The following RERE variants were observed in gnomAD, a reference collection of about 807,000 sequenced individuals.
RERE encodes the protein arginine-glutamic acid dipeptide repeats.
RERE carries 40 observed loss-of-function variants against 146.1 expected under a neutral mutation model. The observed-to-expected ratio is 0.27, with a 90% CI of 0.21 to 0.36. RERE has a LOEUF of 0.36. Among genes scored for constraint, RERE ranks in the 10% least tolerant of loss-of-function variants. The pLI, the probability that RERE is intolerant of heterozygous loss-of-function variation, is 1.00. For synonymous variants in RERE, 1,003 were observed against 866.0 expected (o/e 1.16, Z -2.78); for missense variants, 1,933 against 2,138.7 (o/e 0.90, Z 1.90).
intron 4 of RERE, among the ~76,000 whole-genome samples, chr1:8,569,577 C>T (rs1035497562): frequency 2.6e-5 from 4 of 152,204 alleles, no homozygotes; most frequent in East Asian, 1.9e-4. Context: ...AATTAAAAAC[C>T]GATGATGAGC....
At chr1:8,476,116 A>T (rs1260457763) in intron 10 of RERE, among the ~76,000 whole-genome samples, 1 of 152,230 alleles carries the variant, frequency 6.6e-6, no homozygotes, top group East Asian at 1.9e-4. Context: ...CATGGAAGAA[A>T]GGAGGGGGTC....
intron 13 of RERE, 41 bp downstream of exon 13, chr1:8,365,771 G>GTC: frequency 6.2e-7 from 1 of 1,606,132 alleles, no homozygotes; most frequent in Non-Finnish European, 8.5e-7. Flanking sequence ...CCCGTGAACA[G>GTC]TCTCCCCTCC....
At chr1:8,577,797 TTAAAAG>T (rs1420850497) in intron 4 of RERE, among the ~76,000 whole-genome samples, 1 of 152,150 alleles carries the variant, frequency 6.6e-6, no homozygotes, top group Non-Finnish European at 1.5e-5. Context: ...GACATGCACT[TTAAAAG>T]GGAAAGAGGA....
intron 1 of RERE, among the ~76,000 whole-genome samples, chr1:8,781,658 AC>A (rs1371970603): frequency 6.6e-6 from 1 of 151,360 alleles, no homozygotes; most frequent in East Asian, 1.9e-4. Context: ...AATACCTGTT[AC>A]ACAGGATTGT....
At chr1:8,502,648 C>G (rs983818779) in intron 8 of RERE, among the ~76,000 whole-genome samples, 4 of 149,236 alleles carry the variant, frequency 2.7e-5, no homozygotes, top group Admixed American at 6.7e-5. Context: ...AATAGAAAGG[C>G]GGGAAGGGTG....
intron 1 of RERE, among the ~76,000 whole-genome samples, chr1:8,787,705 C>T (rs1641284020): frequency 6.6e-6 from 1 of 151,658 alleles, no homozygotes; most frequent in Non-Finnish European, 1.5e-5. Context: ...GTGGTGGGTG[C>T]CTGTAATCCC....
intron 6 of RERE, among the ~76,000 whole-genome samples, chr1:8,552,377 G>A (rs766577234): frequency 6.6e-6 from 1 of 152,160 alleles, no homozygotes; most frequent in Admixed American, 6.5e-5. Flanking sequence ...TGATCTTCAA[G>A]AAGAATGGTG....
At chr1:8,669,081 G>GTTGTC (rs1557470106) in intron 1 of RERE, among the ~76,000 whole-genome samples, 2 of 100,256 alleles carry the variant, frequency 2.0e-5, no homozygotes, top group African/African-American at 7.5e-5. Flanking sequence ...TGTGTGTTGT[G>GTTGTC]TTTTTAAGAC....
intron 7 of RERE, among the ~76,000 whole-genome samples, chr1:8,526,933 A>G (rs1309895540): frequency 6.6e-6 from 1 of 152,192 alleles, no homozygotes; most frequent in East Asian, 1.9e-4. Flanking sequence ...AGAAAAAGAA[A>G]TGGAAGACCA....
At chr1:8,671,965 G>A (rs2124375457) in intron 1 of RERE, among the ~76,000 whole-genome samples, 1 of 152,174 alleles carries the variant, frequency 6.6e-6, no homozygotes, top group African/African-American at 2.4e-5. Context: ...GGGGAAAGCT[G>A]CTAGATTTAG....
intron 1 of RERE, among the ~76,000 whole-genome samples, chr1:8,740,176 T>C (rs1440708323): frequency 1.3e-5 from 2 of 152,244 alleles, no homozygotes; most frequent in South Asian, 2.1e-4. Context: ...AATGGATATA[T>C]GTTCATCCTT....
intron 6 of RERE, among the ~76,000 whole-genome samples, chr1:8,543,582 G>A (rs1645824453): frequency 6.6e-6 from 1 of 152,132 alleles, no homozygotes; most frequent in Non-Finnish European, 1.5e-5. Flanking sequence ...CTAGAAATCA[G>A]GTATGTTTAG....
chr1:8,785,949 G>T (rs201167062), intron 1 of RERE, among the ~76,000 whole-genome samples: 2 of 152,006 alleles, frequency 1.3e-5, no homozygotes, highest in East Asian at 3.9e-4. Flanking sequence ...TTAAATACTG[G>T]TAAGACTTTC....
chr1:8,674,493 TTCTTCCGCAAGCCAGCGGA>T (rs1638790254), intron 1 of RERE, among the ~76,000 whole-genome samples: 2 of 152,204 alleles, frequency 1.3e-5, no homozygotes. Context: ...GAGACTCCAT[TTCTTCCGCAAGCCAGCGGA>T]TCTCCCAACA....
chr1:8,452,340 C>T (rs536398185), intron 11 of RERE, among the ~76,000 whole-genome samples: 2 of 152,284 alleles, frequency 1.3e-5, no homozygotes, highest in African/African-American at 4.8e-5. Flanking sequence ...CCAACTCAAG[C>T]ACTCATTTAC....
At chr1:8,422,167 A>T (rs1643919117) in intron 12 of RERE, among the ~76,000 whole-genome samples, 1 of 152,204 alleles carries the variant, frequency 6.6e-6, no homozygotes. Flanking sequence ...GTTTTTTGTA[A>T]AGCTCCATTT....
chr1:8,563,755 C>A (rs953478598), intron 4 of RERE, among the ~76,000 whole-genome samples: 1 of 152,144 alleles, frequency 6.6e-6, no homozygotes, highest in African/African-American at 2.4e-5. Flanking sequence ...TATAGCCAAC[C>A]AAGTTTCTCC....
intron 12 of RERE, among the ~76,000 whole-genome samples, chr1:8,396,795 C>A (rs1430575384): frequency 6.6e-6 from 1 of 151,992 alleles, no homozygotes; most frequent in Non-Finnish European, 1.5e-5. Context: ...CAAAGGAGAC[C>A]CCTCCCCCTC....
At chr1:8,657,946 G>A (rs548937399) in intron 1 of RERE, among the ~76,000 whole-genome samples, 2,313 of 152,230 alleles carry the variant, frequency 0.015, 61 homozygotes, top group African/African-American at 0.053. Context: ...CAGTCTTCCA[G>A]ATTTCTACTA....
Sources: gnomAD v4.1 joint callset for allele counts (sites outside exome capture counted in the v4.1 genomes callset) on GRCh38, gnomAD v4.1.1 for gene constraint, MANE v1.5 for transcripts, NCBI Gene and HGNC (gene_info 2026-07-23, HGNC 2026-07-21) for gene names.